SNRK: variants seen among roughly 807,000 people sequenced by gnomAD.
SNRK encodes SNF related kinase.
A neutral mutation model predicts 48.2 loss-of-function variants in SNRK; 3 were observed. The observed-to-expected ratio is 0.06, with a 90% CI of 0.03 to 0.16. The LOEUF is 0.16. Ranked by LOEUF, SNRK falls within the 10% of genes least tolerant of loss-of-function variation. The pLI is 1.00. For synonymous variants in SNRK, 376 were observed against 366.1 expected (o/e 1.03, Z -0.31); for missense variants, 627 against 976.0 (o/e 0.64, Z 4.76).
chr3:43,289,722 C>A (rs768887704), intron 1 of SNRK: 2 of 152,684 alleles, frequency 1.3e-5, no homozygotes, highest in Non-Finnish European at 2.9e-5. Context: ...ACATTTATTT[C>A]TCTGCTGTCA....
intron 1 of SNRK, among the ~76,000 whole-genome samples, chr3:43,291,274 A>C (rs2090810185): frequency 6.6e-6 from 1 of 152,160 alleles, no homozygotes; most frequent in South Asian, 2.1e-4. Flanking sequence ...AACACACAAA[A>C]TTTATTTCTC....
chr3:43,317,640 C>T (rs2091023463), intron 3 of SNRK, among the ~76,000 whole-genome samples: 2 of 152,272 alleles, frequency 1.3e-5, no homozygotes, highest in South Asian at 4.1e-4. Context: ...GTTGCTCCTT[C>T]GGCTCCAGCC....
chr3:43,332,154 G>A lies in SNRK; in HGVS notation c.590-15G>A, dbSNP rs1253360978. The A allele has an allele frequency of 1.3e-6, 2 of 1,526,524 alleles. No individual in the cohort carries two copies. The highest frequency in any genetic ancestry group is 2.6e-5 in the South Asian group (2 of 76,098). 94.6% of individuals were successfully genotyped at this position (1,526,524 alleles called of 1,614,324 possible). On this transcript the variant is annotated splice_polypyrimidine_tract_variant and intron_variant, in intron 3 of 6. Coordinates refer to ENST00000296088, the MANE Select transcript of SNRK (RefSeq NM_017719.5). The stretch of plus-strand genomic sequence containing the variant: ...TAATTAGTCCAATATTTTAAAGTAT[G>A]TCTTTGATTTATAGATATTTGGAGT...
chr3:43,324,308 G>T (rs193093918), intron 3 of SNRK, among the ~76,000 whole-genome samples: 3 of 152,272 alleles, frequency 2.0e-5, no homozygotes, highest in Non-Finnish European at 2.9e-5. Flanking sequence ...AGGAGTTCAA[G>T]ATCAGCCTGG....
chr3:43,336,783 G>A (rs2091192758), intron 4 of SNRK, among the ~76,000 whole-genome samples: 1 of 151,874 alleles, frequency 6.6e-6, no homozygotes, highest in African/African-American at 2.4e-5. Flanking sequence ...ACGGAGTCTC[G>A]CTCTGTTGCC....
At chr3:43,344,435 G>A (rs1447873435) in intron 6 of SNRK, among the ~76,000 whole-genome samples, 1 of 152,144 alleles carries the variant, frequency 6.6e-6, no homozygotes, top group African/African-American at 2.4e-5. Flanking sequence ...GAATATATGT[G>A]TGTGAATATT....
chr3:43,297,713 AG>A (rs1352439910), intron 1 of SNRK, among the ~76,000 whole-genome samples: 1 of 152,158 alleles, frequency 6.6e-6, no homozygotes, highest in Admixed American at 6.5e-5. Context: ...AAAAATGTAA[AG>A]GAGTATTAAG....
chr3:43,319,581 C>T (rs560259249), intron 3 of SNRK, among the ~76,000 whole-genome samples: 163 of 152,296 alleles, frequency 1.1e-3, no homozygotes, highest in Non-Finnish European at 1.4e-3. Context: ...CGGTGCCAAG[C>T]CTGCCTCACT....
chr3:43,338,727 TTC>T (rs140956939), intron 4 of SNRK, among the ~76,000 whole-genome samples: 3,793 of 151,786 alleles, frequency 0.025, 160 homozygotes, highest in African/African-American at 0.085. Flanking sequence ...CTTACATTAA[TTC>T]TGTGTCTTTT....
At chr3:43,301,765 G>A (rs749391647) in intron 2 of SNRK, among the ~76,000 whole-genome samples, 1 of 152,120 alleles carries the variant, frequency 6.6e-6, no homozygotes, top group African/African-American at 2.4e-5. Context: ...AAAAAGCTTC[G>A]TCAAAGGGAT....
intron 3 of SNRK, among the ~76,000 whole-genome samples, chr3:43,331,048 C>T (rs1229550418): frequency 6.6e-6 from 1 of 152,052 alleles, no homozygotes; most frequent in Non-Finnish European, 1.5e-5. Flanking sequence ...AACATGGAAC[C>T]TACATTATTT....
intron 3 of SNRK, among the ~76,000 whole-genome samples, chr3:43,318,993 A>AGT (rs2091033401): frequency 1.3e-5 from 2 of 150,606 alleles, no homozygotes; most frequent in Admixed American, 1.3e-4. Flanking sequence ...GTGCCACTGC[A>AGT]CTCCAGCCTG....
intron 3 of SNRK, among the ~76,000 whole-genome samples, chr3:43,314,440 T>C (rs1406270505): frequency 6.6e-6 from 1 of 152,240 alleles, no homozygotes; most frequent in Non-Finnish European, 1.5e-5. Context: ...AACTTACTGT[T>C]TCTTATCATT....
Position 43,340,305 on chromosome 3 carries a change from A to C in SNRK, c.750A>C (p.Leu250=). The change falls in exon 5 of 7, where the codon CTA becomes CTC. Residue 250 remains leucine, a synonymous_variant. Coordinates refer to ENST00000296088, the MANE Select transcript of SNRK (RefSeq NM_017719.5). The part of the protein sequence containing the change: ...KECKDLITRM[L]QRDPKRRASL... The stretch of plus-strand genomic sequence containing the variant: ...TTTCCAGCCTAATCACACGGATGCT[A>C]CAGAGAGATCCCAAGAGAAGGGCTT... 6.2e-7 allele frequency: 1 copy of C among 1,614,090 alleles called. No homozygotes were observed.
chr3:43,321,207 C>T (rs949056898), intron 3 of SNRK, among the ~76,000 whole-genome samples: 6 of 152,144 alleles, frequency 3.9e-5, no homozygotes, highest in African/African-American at 1.4e-4. Context: ...AGAGAGAGAA[C>T]TTGAGTGTCC....
intron 3 of SNRK, among the ~76,000 whole-genome samples, chr3:43,313,750 GTATT>G (rs1185617405): frequency 1.3e-5 from 2 of 152,202 alleles, no homozygotes; most frequent in African/African-American, 4.8e-5. Context: ...ATATTTTACT[GTATT>G]TAAGCACAAT....
chr3:43,328,826 T>C (rs2091123167), intron 3 of SNRK, among the ~76,000 whole-genome samples: 1 of 152,166 alleles, frequency 6.6e-6, no homozygotes, highest in Non-Finnish European at 1.5e-5. Flanking sequence ...CACTGGAGCA[T>C]CCTTAGTGGC....
intron 5 of SNRK, among the ~76,000 whole-genome samples, chr3:43,341,729 G>A (rs2091239485): frequency 6.6e-6 from 1 of 152,206 alleles, no homozygotes; most frequent in South Asian, 2.1e-4. Context: ...AGAGAAGCCT[G>A]TTGGCTGGAC....
chr3:43,331,900 A>G (rs1020015249), intron 3 of SNRK, among the ~76,000 whole-genome samples: 1 of 152,180 alleles, frequency 6.6e-6, no homozygotes, highest in East Asian at 1.9e-4. Context: ...TTTTCAGTTG[A>G]TATTATTGCT....
Sources: allele counts gnomAD v4.1 joint callset (sites outside exome capture counted in the v4.1 genomes callset), GRCh38; gene constraint gnomAD v4.1.1; transcripts MANE v1.5; gene names NCBI Gene and HGNC (gene_info 2026-07-23, HGNC 2026-07-21).